Variants in KIF13B observed in about 807,000 individuals in gnomAD.
The protein encoded by KIF13B is kinesin family member 13B, also known as kinesin-like protein KIF13B.
A neutral mutation model predicts 222.0 loss-of-function variants in KIF13B; 127 were observed. That is an observed-to-expected ratio of 0.57 (90% CI 0.50 to 0.66). The LOEUF (loss-of-function observed/expected upper bound fraction) is 0.66. KIF13B is among the 30% of genes least tolerant of loss of function. The probability of loss-of-function intolerance (pLI) is 0.00; values close to 1 mark genes in which losing one functional copy is unlikely to be tolerated. For synonymous variants in KIF13B, 976 were observed against 919.0 expected (o/e 1.06, Z -1.12); for missense variants, 2,173 against 2,379.0 (o/e 0.91, Z 1.80).
chr8:29,196,260 ATTTAG>A (rs1813418002), intron 2 of KIF13B, 61 bp from the exon 3 acceptor site: 1 of 1,070,042 alleles, frequency 9.3e-7, no homozygotes. Context: ...AAAAAAAAAA[ATTTAG>A]TTTAGAAGAC....
At chr8:29,255,000 C>T (rs1325828932) in intron 1 of KIF13B, among the ~76,000 whole-genome samples, 1 of 151,946 alleles carries the variant, frequency 6.6e-6, no homozygotes, top group African/African-American at 2.4e-5. Flanking sequence ...ATGGATGAGC[C>T]CTGAATACAT....
intron 34 of KIF13B, among the ~76,000 whole-genome samples, chr8:29,108,547 G>A (rs756814409): frequency 6.6e-6 from 1 of 152,156 alleles, no homozygotes; most frequent in Non-Finnish European, 1.5e-5. Context: ...CTTTCTCTTG[G>A]TATCTGTAGC....
chr8:29,105,045 T>C (rs1026185382), intron 35 of KIF13B, among the ~76,000 whole-genome samples: 4 of 152,012 alleles, frequency 2.6e-5, no homozygotes, highest in African/African-American at 7.2e-5. Context: ...TAGTTCACTG[T>C]GGCCTCAAAC....
In KIF13B at chr8:29,250,245, A is replaced by G. The variant is rs936299288; in HGVS notation, c.56-4806T>C. Among the ~76,000 whole-genome samples, 3 of 152,340 alleles carry G rather than the reference A, an allele frequency of 2.0e-5. No homozygotes were observed. The East Asian group carries it at 5.8e-4, about 29-fold the overall frequency. ...AATACATCTAGAACGCAGGCCTGAA[A>G]AAAATGGGTGGTTCATCAAACATTT... is the stretch of plus-strand genomic sequence containing the variant. On this transcript the variant is annotated intron_variant, in intron 1 of 39. Coordinates refer to ENST00000524189, the MANE Select transcript of KIF13B (RefSeq NM_015254.4).
chr8:29,179,776 T>TG lies in KIF13B; in HGVS notation c.720+327dup, dbSNP rs563843930. ...ATTCCTGCTTCCTGGATCACAGCTA[T>TG]GGGTATGCCTGGAACACAGAGTTCT... On this transcript the variant is annotated intron_variant, in intron 8 of 39. Coordinates refer to ENST00000524189, the MANE Select transcript of KIF13B (RefSeq NM_015254.4). Among the ~76,000 whole-genome samples, 225 of 152,296 alleles carry TG rather than the reference T, an allele frequency of 1.5e-3. 1 individual carries two copies. The highest frequency in any genetic ancestry group is 0.01 in the South Asian group (49 of 4,820).
intron 12 of KIF13B, among the ~76,000 whole-genome samples, chr8:29,162,968 T>G (rs1811846405): frequency 6.6e-6 from 1 of 152,130 alleles, no homozygotes; most frequent in Non-Finnish European, 1.5e-5. Flanking sequence ...CATAAACAAA[T>G]GAGCACAGCT....
Position 29,187,749 on chromosome 8 carries a change from T to C in KIF13B, c.316+766A>G, listed in dbSNP as rs74469128. Among the ~76,000 whole-genome samples, 53 of 152,352 alleles carry C rather than the reference T, an allele frequency of 3.5e-4. 1 individual carries two copies. In the East Asian group the frequency reaches 0.01, roughly 29 times the overall value. On this transcript the variant is annotated intron_variant, in intron 5 of 39. Transcript: ENST00000524189. ...GCTGCTTTTGTCATGCAACATTTTA[T>C]TGTTATCATAATACCTAAAGCTAAT... is the stretch of plus-strand genomic sequence containing the variant.
chr8:29,092,595 T>C, intron 37 of KIF13B, 150 bp downstream of exon 37: 1 of 724,424 alleles, frequency 1.4e-6, no homozygotes, highest in Non-Finnish European at 2.2e-6. Flanking sequence ...CTGAAGAGAG[T>C]GGCGGAGAAA....
At chr8:29,082,054 T>C (rs1326153405) in intron 37 of KIF13B, among the ~76,000 whole-genome samples, 2 of 152,260 alleles carry the variant, frequency 1.3e-5, no homozygotes, top group Non-Finnish European at 2.9e-5. Flanking sequence ...ATTTCATTTA[T>C]TTACTCATTC....
chr8:29,147,762 A>G (rs1811122990), intron 16 of KIF13B, among the ~76,000 whole-genome samples, 160 bp from the exon 17 acceptor site: 1 of 152,212 alleles, frequency 6.6e-6, no homozygotes. Context: ...TCAATCACTC[A>G]TGTTGTTATA....
chr8:29,251,157 A>G (rs1007085839), intron 1 of KIF13B, among the ~76,000 whole-genome samples: 1 of 152,196 alleles, frequency 6.6e-6, no homozygotes, highest in Non-Finnish European at 1.5e-5. Context: ...TCTGGAAGAA[A>G]AAAAAAGGCA....
intron 22 of KIF13B, among the ~76,000 whole-genome samples, chr8:29,132,714 A>G (rs542976954): frequency 6.6e-6 from 1 of 152,320 alleles, no homozygotes; most frequent in South Asian, 2.1e-4. Context: ...ATGTAAGACC[A>G]CCATTGCATT....
At chr8:29,160,992 T>C (rs144530423) in intron 12 of KIF13B, 125 bp from the exon 13 acceptor site, 21 of 724,582 alleles carry the variant, frequency 2.9e-5, no homozygotes, top group South Asian at 5.4e-5. Flanking sequence ...TCTTAGGCTA[T>C]GGCATTATAG....
At chr8:29,227,944 T>C (rs1042660353) in intron 2 of KIF13B, among the ~76,000 whole-genome samples, 2 of 151,810 alleles carry the variant, frequency 1.3e-5, no homozygotes, top group African/African-American at 4.8e-5. Context: ...GAGCAAGACT[T>C]TAAAAAAAAT....
chr8:29,078,046 G>C (rs1382406947), intron 37 of KIF13B, among the ~76,000 whole-genome samples: 1 of 147,630 alleles, frequency 6.8e-6, no homozygotes, highest in Non-Finnish European at 1.5e-5. Context: ...AGTTTGGGAG[G>C]CCGCAGCAGG....
chr8:29,169,371 G>C (rs1205251916), intron 10 of KIF13B, among the ~76,000 whole-genome samples: 1 of 152,176 alleles, frequency 6.6e-6, no homozygotes, highest in East Asian at 1.9e-4. Flanking sequence ...AGTCCAACAT[G>C]ATTTCCACTC....
At chr8:29,130,746 T>C in intron 23 of KIF13B, 81 bp from the exon 24 acceptor site, 1 of 1,317,050 alleles carries the variant, frequency 7.6e-7, no homozygotes, top group Non-Finnish European at 1.1e-6. Flanking sequence ...CACATAAGAA[T>C]TAACAATGAA....
chr8:29,148,525 T>C lies in KIF13B; in HGVS notation c.1813+52A>G, dbSNP rs891787443. ...CCTGGGCTCAAGCGATCTCCCCACC[T>C]CAGCCTCTACCAACTGGAACTGATT... On this transcript the variant is annotated intron_variant, in intron 16 of 39. Transcript: ENST00000524189. 7.8e-6 allele frequency: 11 copies of C among 1,402,330 alleles called. No individual in the cohort carries two copies. The African/African-American group carries it at 1.4e-4, about 18-fold the overall frequency. 86.9% of individuals were successfully genotyped at this position (1,402,330 alleles called of 1,614,324 possible).
intron 2 of KIF13B, among the ~76,000 whole-genome samples, chr8:29,243,452 T>C (rs1318813017): frequency 6.6e-6 from 1 of 151,268 alleles, no homozygotes; most frequent in East Asian, 1.9e-4. Context: ...AGGTCAGGAG[T>C]TTGAGACCAG....
Sources: gnomAD v4.1 joint callset for allele counts (sites outside exome capture counted in the v4.1 genomes callset) on GRCh38, gnomAD v4.1.1 for gene constraint, MANE v1.5 for transcripts, NCBI Gene and HGNC (gene_info 2026-07-23, HGNC 2026-07-21) for gene names.